Variants in LPIN1 observed in about 807,000 individuals in gnomAD.
The protein encoded by LPIN1 is phosphatidate phosphatase LPIN1.
A neutral mutation model predicts 107.5 loss-of-function variants in LPIN1; 71 were observed. The observed-to-expected ratio is 0.66, with a 90% CI of 0.55 to 0.80. The LOEUF (loss-of-function observed/expected upper bound fraction) is 0.80. Among genes scored for constraint, LPIN1 ranks in the 30% least tolerant of loss-of-function variants. LPIN1 has a pLI of 0.00. For missense variants in LPIN1, 1,043 were observed against 1,160.6 expected, an observed-to-expected ratio of 0.90 and a Z score of 1.47; for synonymous variants, 445 against 452.6, an observed-to-expected ratio of 0.98 and a Z score of 0.21.
intron 13 of LPIN1, among the ~76,000 whole-genome samples, chr2:11,794,788 T>C (rs967503614): frequency 2.0e-5 from 3 of 152,188 alleles, no homozygotes; most frequent in African/African-American, 7.2e-5. Context: ...TTAATCCCCA[T>C]GGCAGCGTTA....
rs760745123 is a variant in LPIN1 at position 11,782,461 on chromosome 2, T to C, written c.1218T>C (p.Ser406=). Residue 406 remains serine, a synonymous_variant, in exon 8 of 21, where the codon AGT becomes AGC. Transcript: ENST00000674199. Reference sequence around the variant, plus strand: ...AGGAGCTCAAACCCCCCTCTGCCAGTGTAGTCCAGACAGCAAACAAGACGG... The same window carrying C: ...AGGAGCTCAAACCCCCCTCTGCCAGCGTAGTCCAGACAGCAAACAAGACGG... ...MIEELKPPSA[S]VVQTANKTDS... is the part of the protein sequence containing the mutation. The C allele has an allele frequency of 5.0e-5, 80 of 1,613,986 alleles. 1 individual carries two copies. The South Asian group carries it at 5.4e-4, about 11-fold the overall frequency.
At position 11,787,898 on chromosome 2, in the gene LPIN1, G is replaced by A. The variant is rs568383024; in HGVS notation, c.1644-489G>A. ...GGAAGTTGCAGTGAGCCAAGATAGCGCCACTGCAGTCTGGCCTGGGTGAAA... is the reference window on the plus strand; with the variant it reads ...GGAAGTTGCAGTGAGCCAAGATAGCACCACTGCAGTCTGGCCTGGGTGAAA... On this transcript the variant is annotated intron_variant, in intron 11 of 20. Transcript: ENST00000674199. 2.5e-3 allele frequency among the ~76,000 whole-genome samples: 374 copies of A among 150,096 alleles called. 1 individual carries two copies. Among genetic ancestry groups the A allele is most frequent in the African/African-American group, 8.7e-3 (353 of 40,460 alleles).
At chr2:11,811,787 C>G (rs1439378932) in intron 17 of LPIN1, among the ~76,000 whole-genome samples, 2 of 152,206 alleles carry the variant, frequency 1.3e-5, no homozygotes, top group Non-Finnish European at 2.9e-5. Context: ...GAGATCGAGA[C>G]CATCCTGGCC....
chr2:11,726,193 C>T (rs1664634096), intron 1 of LPIN1, among the ~76,000 whole-genome samples: 1 of 152,182 alleles, frequency 6.6e-6, no homozygotes, highest in Non-Finnish European at 1.5e-5. Context: ...CCGCCATAGC[C>T]AGATTCATTT....
At chr2:11,810,719 G>C (rs1220935991) in intron 17 of LPIN1, among the ~76,000 whole-genome samples, 5 of 152,170 alleles carry the variant, frequency 3.3e-5, no homozygotes, top group Non-Finnish European at 5.9e-5. Context: ...GGTGGACCCG[G>C]GATGGTGCCG....
chr2:11,717,609 A>G (rs943680126), intron 2 of LPIN1, among the ~76,000 whole-genome samples: 1 of 150,730 alleles, frequency 6.6e-6, no homozygotes, highest in Non-Finnish European at 1.5e-5. Context: ...TATTCCTTCT[A>G]TTTGGACGAC....
intron 2 of LPIN1, among the ~76,000 whole-genome samples, chr2:11,767,266 T>C (rs1671067380): frequency 1.3e-5 from 2 of 152,142 alleles, no homozygotes; most frequent in African/African-American, 2.4e-5. Context: ...CAGCCAATAG[T>C]TGATGAGTTT....
chr2:11,768,711 C>T (rs538160092), intron 3 of LPIN1, among the ~76,000 whole-genome samples: 18 of 152,124 alleles, frequency 1.2e-4, no homozygotes, highest in East Asian at 5.8e-4. Flanking sequence ...TCGAGGTGGG[C>T]GGATCACGAG....
intron 1 of LPIN1, chr2:11,682,416 T>A (rs1661766343): frequency 6.5e-6 from 1 of 152,864 alleles, no homozygotes; most frequent in African/African-American, 2.4e-5. Flanking sequence ...AAGCTGCCGA[T>A]GGAACACAAC....
At chr2:11,708,329 G>T (rs542096808) in intron 1 of LPIN1, among the ~76,000 whole-genome samples, 2 of 152,290 alleles carry the variant, frequency 1.3e-5, no homozygotes, top group African/African-American at 4.8e-5. Context: ...CTCTGAGAAG[G>T]CCCCATGGAG....
At chr2:11,814,737 G>C (rs910348311) in intron 17 of LPIN1, among the ~76,000 whole-genome samples, 1 of 152,158 alleles carries the variant, frequency 6.6e-6, no homozygotes, top group Admixed American at 6.5e-5. Context: ...CTCTAGCCAA[G>C]AGCTGGGACC....
intron 15 of LPIN1, 53 bp from the exon 16 acceptor site, chr2:11,804,370 C>T (rs1037001175): frequency 1.7e-5 from 27 of 1,604,560 alleles, no homozygotes; most frequent in African/African-American, 2.7e-5. Context: ...AAATGCCCAT[C>T]AATCAGGGCC....
chr2:11,819,434 TA>T, intron 18 of LPIN1, 49 bp from the exon 19 acceptor site: 1 of 1,199,338 alleles, frequency 8.3e-7, no homozygotes, highest in Non-Finnish European at 1.2e-6. Flanking sequence ...AGTTTGATGC[TA>T]AAGGAAGCTT....
intron 1 of LPIN1, among the ~76,000 whole-genome samples, chr2:11,685,210 G>A (rs1326493243): frequency 6.6e-6 from 1 of 152,232 alleles, no homozygotes; most frequent in Non-Finnish European, 1.5e-5. Flanking sequence ...TGAAGCTGAA[G>A]CATCTTGGCA....
chr2:11,815,307 A>G, intron 18 of LPIN1, 67 bp downstream of exon 18: 2 of 1,580,418 alleles, frequency 1.3e-6, no homozygotes, highest in Non-Finnish European at 1.7e-6. Flanking sequence ...CCTAACTGCA[A>G]GTTTTGTAAG....
chr2:11,692,680 A>ACATG (rs747046317), intron 1 of LPIN1, among the ~76,000 whole-genome samples: 1 of 152,246 alleles, frequency 6.6e-6, no homozygotes, highest in Non-Finnish European at 1.5e-5. Context: ...CCTCCCAGGT[A>ACATG]CATGGTGCTC....
intron 17 of LPIN1, among the ~76,000 whole-genome samples, chr2:11,814,552 T>TGTGTGTGTGTGTGTGGG (rs1481133409): frequency 7.8e-6 from 1 of 128,118 alleles, no homozygotes; most frequent in African/African-American, 3.1e-5. Context: ...GTGTGTGTGG[T>TGTGTGTGTGTGTGTGGG]TGTTTTGGCT....
At chr2:11,782,073 G>A (rs1673656851) in intron 7 of LPIN1, 128 bp from the exon 8 acceptor site, 1 of 745,638 alleles carries the variant, frequency 1.3e-6, no homozygotes, top group Admixed American at 2.1e-5. Flanking sequence ...AAATCACCAG[G>A]TGATTGTTGA....
At chr2:11,792,663 G>A (rs762313879) in intron 13 of LPIN1, among the ~76,000 whole-genome samples, 6 of 152,176 alleles carry the variant, frequency 3.9e-5, no homozygotes, top group African/African-American at 1.2e-4. Flanking sequence ...CATTACAGGC[G>A]TGAGCCACCA....
Sources: gnomAD v4.1 joint callset for allele counts (sites outside exome capture counted in the v4.1 genomes callset) on GRCh38, gnomAD v4.1.1 for gene constraint, MANE v1.5 for transcripts, NCBI Gene and HGNC (gene_info 2026-07-23, HGNC 2026-07-21) for gene names.